The following EPSTI1 variants were observed in gnomAD, a reference collection of about 807,000 sequenced individuals.
EPSTI1 encodes the protein epithelial-stromal interaction protein 1.
Under a neutral mutation model 49.9 loss-of-function variants are expected in EPSTI1, and 66 were observed. The observed-to-expected ratio is 1.32, with a 90% confidence interval of 1.08 to 1.62. The LOEUF is 1.62. Among genes scored for constraint, EPSTI1 ranks in the 40% most tolerant of loss-of-function variants. The pLI is 0.00. For synonymous variants in EPSTI1, 137 were observed against 130.7 expected, an observed-to-expected ratio of 1.05 and a Z score of -0.33; for missense variants, 394 against 365.5, an observed-to-expected ratio of 1.08 and a Z score of -0.64.
In EPSTI1 at chr13:42,964,080, T is replaced by C. The variant is rs1302651967; in HGVS notation, c.391A>G (p.Lys131Glu). The change falls in exon 4 of 11, where the codon AAA (lysine) becomes GAA (glutamate). Residue 131 changes from lysine (K) to glutamate (E), a missense_variant. Lys to Glu is a moderately conservative substitution (Grantham distance 56, BLOSUM62 1). Coordinates refer to ENST00000313624, the MANE Select transcript of EPSTI1 (RefSeq NM_033255.5). ...QKQQLQLMQS[K>E]YKQKLKREES... ...TGAATTCTGACCTTTTGCTTGTATT[T>C]AGATTGCATCAGCTGGAGTTGTTGT... 6.2e-7 allele frequency: 1 copy of C among 1,613,530 alleles called. No homozygotes were observed. Among genetic ancestry groups the C allele is most frequent in the South Asian group, 1.1e-5 (1 of 91,004 alleles).
At position 42,971,477 on chromosome 13, in the gene EPSTI1, G is replaced by A. The variant is rs183493379; in HGVS notation, c.189-807C>T. On this transcript the variant is annotated intron_variant, in intron 1 of 10. Coordinates refer to ENST00000313624, the MANE Select transcript of EPSTI1 (RefSeq NM_033255.5). ...GTGGCTCTTTTTTGAGATGATGCAC[G>A]TGATCCCACAAGAACATGAATACTC... Among the ~76,000 whole-genome samples, 16 of 152,258 alleles carry A rather than the reference G, an allele frequency of 1.1e-4. No individual in the cohort carries two copies. In the East Asian group the frequency reaches 3.1e-3, roughly 29 times the overall value.
rs368991563 is a variant in EPSTI1, at chr13:42,964,582, T to A, written c.332-443A>T. Among the ~76,000 whole-genome samples, 8 of 152,168 alleles carry A rather than the reference T, an allele frequency of 5.3e-5. No individual in the cohort carries two copies. The East Asian group carries it at 7.7e-4, about 15-fold the overall frequency. On this transcript the variant is annotated intron_variant, in intron 3 of 10. Coordinates refer to ENST00000313624, the MANE Select transcript of EPSTI1 (RefSeq NM_033255.5). Reference sequence around the variant, plus strand: ...TTCTTCTAACTCTATTGCCTTATATTCAAGCAGCAAGGCTCAGGAGGCTCT... The same window carrying A: ...TTCTTCTAACTCTATTGCCTTATATACAAGCAGCAAGGCTCAGGAGGCTCT...
chr13:42,968,884 G>C (rs1156481502), intron 3 of EPSTI1, among the ~76,000 whole-genome samples: 1 of 137,130 alleles, frequency 7.3e-6, no homozygotes, highest in Non-Finnish European at 1.5e-5. Context: ...TGGCATTACA[G>C]GTTTGCTACT....
intron 6 of EPSTI1, among the ~76,000 whole-genome samples, chr13:42,930,052 CT>C (rs1454200934): frequency 2.0e-5 from 3 of 152,182 alleles, no homozygotes; most frequent in African/African-American, 7.2e-5. Flanking sequence ...AAAAGCACCC[CT>C]GGTGATGTTA....
At chr13:42,928,745 C>G (rs987400640) in intron 6 of EPSTI1, among the ~76,000 whole-genome samples, 8 of 152,208 alleles carry the variant, frequency 5.3e-5, no homozygotes, top group Non-Finnish European at 1.0e-4. Flanking sequence ...TTCTCCTCTT[C>G]TGGCCACACA....
rs949432398 is a variant in EPSTI1, at chr13:42,922,861, C to T, written c.657+3475G>A. Among the ~76,000 whole-genome samples, 1 of 152,190 alleles carries T rather than the reference C, an allele frequency of 6.6e-6. No homozygotes were observed. Among genetic ancestry groups the T allele is most frequent in the Non-Finnish European group, 1.5e-5 (1 of 68,042 alleles). ...GCTTGGCCCCTCAGACATTAACGTG[C>T]ACACACATCTTCCATGGACTGTATT... is the stretch of plus-strand genomic sequence containing the variant. On this transcript the variant is annotated intron_variant, in intron 7 of 10. Coordinates refer to ENST00000313624, the MANE Select transcript of EPSTI1 (RefSeq NM_033255.5). This position sits in a 1 kb window ranked among gnomAD's most constrained non-coding sequence, Gnocchi z 4.8.
chr13:42,989,811 T>C (rs2040161807), intron 1 of EPSTI1, among the ~76,000 whole-genome samples: 1 of 151,792 alleles, frequency 6.6e-6, no homozygotes, highest in Admixed American at 6.6e-5. Flanking sequence ...GCCAGGATGG[T>C]CTCCATCTCC....
chr13:42,910,257 C>CTT (rs71099807), intron 8 of EPSTI1, among the ~76,000 whole-genome samples: 1,671 of 97,590 alleles, frequency 0.017, 35 homozygotes, highest in African/African-American at 0.038. Flanking sequence ...TTAACCAAAT[C>CTT]TTTTTTTTTT....
intron 6 of EPSTI1, chr13:42,934,306 T>G (rs184487677): frequency 6.5e-6 from 1 of 154,634 alleles, no homozygotes; most frequent in African/African-American, 2.4e-5. Context: ...GCTCTACTTA[T>G]GAGTTACGAA....
At chr13:42,911,862 C>T (rs1464878671) in intron 8 of EPSTI1, among the ~76,000 whole-genome samples, 2 of 151,988 alleles carry the variant, frequency 1.3e-5, no homozygotes, top group African/African-American at 2.4e-5. Flanking sequence ...GTTCTAAATT[C>T]GTAGATCAGA....
chr13:42,980,870 GACTTT>G (rs1220220624), intron 1 of EPSTI1, among the ~76,000 whole-genome samples: 2 of 152,148 alleles, frequency 1.3e-5, no homozygotes, highest in Non-Finnish European at 2.9e-5. Context: ...AAGCAGATAT[GACTTT>G]ACTTTTATAA....
At chr13:42,988,962 G>A (rs1936681994) in intron 1 of EPSTI1, among the ~76,000 whole-genome samples, 1 of 151,408 alleles carries the variant, frequency 6.6e-6, no homozygotes, top group African/African-American at 2.4e-5. Flanking sequence ...CTGAGCTCAA[G>A]CTATCCTCCT....
At chr13:42,926,990 GACACACACACACACACAC>G (rs10529424) in intron 6 of EPSTI1, among the ~76,000 whole-genome samples, 4 of 144,610 alleles carry the variant, frequency 2.8e-5, no homozygotes, top group African/African-American at 1.0e-4. Context: ...TCTGTTAACA[GACACACACACACACACAC>G]ACACACACAC....
chr13:42,974,425 G>A (rs566849606), intron 1 of EPSTI1, among the ~76,000 whole-genome samples: 11 of 152,214 alleles, frequency 7.2e-5, no homozygotes, highest in Admixed American at 1.3e-4. Context: ...TGGGAGGCCA[G>A]GGCGGGCGGA....
At chr13:42,897,858 T>A (rs920789825) in intron 9 of EPSTI1, among the ~76,000 whole-genome samples, 1 of 152,250 alleles carries the variant, frequency 6.6e-6, no homozygotes, top group Admixed American at 6.5e-5. Context: ...TATTTTTGTT[T>A]AATAGTTTTA....
At chr13:42,970,496 C>A in intron 2 of EPSTI1, 116 bp downstream of exon 2, 12 of 839,440 alleles carry the variant, frequency 1.4e-5, no homozygotes, top group South Asian at 4.9e-5. Flanking sequence ...AACAAAAAAC[C>A]TTGATGAGAT....
chr13:42,942,276 T>G (rs957077350), intron 6 of EPSTI1, among the ~76,000 whole-genome samples: 1 of 152,224 alleles, frequency 6.6e-6, no homozygotes, highest in African/African-American at 2.4e-5. Flanking sequence ...TTTATTCTAA[T>G]AAGATAATTT....
chr13:42,962,096 G>A (rs556182079), intron 5 of EPSTI1, among the ~76,000 whole-genome samples: 37 of 152,166 alleles, frequency 2.4e-4, no homozygotes, highest in Admixed American at 2.0e-3. Context: ...ATCTACAACA[G>A]GGAAGGCTAG....
At chr13:42,979,991 TCAGA>T (rs749968087) in intron 1 of EPSTI1, among the ~76,000 whole-genome samples, 1 of 152,180 alleles carries the variant, frequency 6.6e-6, no homozygotes, top group Non-Finnish European at 1.5e-5. Context: ...TCCTATGAGC[TCAGA>T]CAATTTCCTT....
Sources: allele counts gnomAD v4.1 joint callset (sites outside exome capture counted in the v4.1 genomes callset), GRCh38; gene constraint gnomAD v4.1.1; non-coding constraint Gnocchi (gnomAD v3.1); transcripts MANE v1.5; gene names NCBI Gene and HGNC (gene_info 2026-07-23, HGNC 2026-07-21).